ALK: variants seen among roughly 807,000 people sequenced by gnomAD.
ALK encodes the protein ALK receptor tyrosine kinase, also known as ALK tyrosine kinase receptor.
In ALK, 74 loss-of-function variants were observed where a neutral mutation model predicts 163.1. That is an observed-to-expected ratio of 0.45 (90% CI 0.38 to 0.55). ALK has a LOEUF of 0.55. ALK is among the 20% of genes least tolerant of loss of function. The pLI is 0.00. For synonymous variants in ALK, 960 were observed against 843.2 expected, an observed-to-expected ratio of 1.14 and a Z score of -2.40; for missense variants, 2,063 against 2,105.3, an observed-to-expected ratio of 0.98 and a Z score of 0.39.
intron 3 of ALK, among the ~76,000 whole-genome samples, chr2:29,614,078 G>A (rs1057463293): frequency 2.6e-5 from 4 of 152,184 alleles, no homozygotes; most frequent in East Asian, 1.9e-4. Context: ...GAGAAAGTGA[G>A]GAGGAGCTGG....
chr2:29,849,549 C>A (rs1437400914), intron 1 of ALK, among the ~76,000 whole-genome samples: 1 of 152,210 alleles, frequency 6.6e-6, no homozygotes, highest in Non-Finnish European at 1.5e-5. Flanking sequence ...GCCTACGTGG[C>A]ACCTCATAGA....
chr2:29,420,791 G>C (rs1445653286), intron 4 of ALK, among the ~76,000 whole-genome samples: 1 of 151,278 alleles, frequency 6.6e-6, no homozygotes, highest in Non-Finnish European at 1.5e-5. Context: ...GGAATGTCTT[G>C]CTTTGCAAAA....
intron 16 of ALK, among the ~76,000 whole-genome samples, chr2:29,228,111 G>C (rs1356339879): frequency 6.6e-6 from 1 of 152,198 alleles, no homozygotes; most frequent in Non-Finnish European, 1.5e-5. Flanking sequence ...TGTGCCCTGA[G>C]GCTCCCGTCC....
chr2:29,665,521 G>C (rs1257547293), intron 3 of ALK, among the ~76,000 whole-genome samples: 1 of 151,820 alleles, frequency 6.6e-6, no homozygotes, highest in Non-Finnish European at 1.5e-5. Flanking sequence ...CCATGGCCTG[G>C]AACATAGCAG....
chr2:29,413,327 A>AGT (rs1669777646), intron 4 of ALK, among the ~76,000 whole-genome samples: 2 of 152,222 alleles, frequency 1.3e-5, no homozygotes, highest in African/African-American at 4.8e-5. Flanking sequence ...ATAAAAGTAT[A>AGT]GTATAGTAAA....
chr2:29,234,786 A>G (rs1308106318), intron 13 of ALK, among the ~76,000 whole-genome samples: 1 of 152,138 alleles, frequency 6.6e-6, no homozygotes, highest in Non-Finnish European at 1.5e-5. Context: ...TGTTTTTGCC[A>G]TCTTACTCCG....
At chr2:29,588,475 C>T (rs1038826054) in intron 3 of ALK, among the ~76,000 whole-genome samples, 8 of 152,138 alleles carry the variant, frequency 5.3e-5, no homozygotes, top group Non-Finnish European at 8.8e-5. Context: ...AAGCGATCCA[C>T]CCTCCTTGGC....
chr2:29,264,914 ACT>A (rs1665178050), intron 11 of ALK, among the ~76,000 whole-genome samples: 1 of 151,942 alleles, frequency 6.6e-6, no homozygotes, highest in Admixed American at 6.6e-5. Flanking sequence ...GCTGGCGCAC[ACT>A]CTCACATACT....
intron 3 of ALK, among the ~76,000 whole-genome samples, chr2:29,596,143 TA>T (rs1383558765): frequency 6.6e-6 from 1 of 152,218 alleles, no homozygotes; most frequent in Non-Finnish European, 1.5e-5. Flanking sequence ...GTTTGTGACT[TA>T]CCTCTCACCT....
chr2:29,612,124 C>G (rs900789740), intron 3 of ALK, among the ~76,000 whole-genome samples: 1 of 152,112 alleles, frequency 6.6e-6, no homozygotes, highest in Admixed American at 6.5e-5. Context: ...ACCCAGGCTT[C>G]CTCCCTTCCC....
chr2:29,427,543 C>A (rs140337498), intron 4 of ALK, among the ~76,000 whole-genome samples: 4 of 151,538 alleles, frequency 2.6e-5, no homozygotes, highest in African/African-American at 9.7e-5. Context: ...AAGAAAAAAA[C>A]TCAATAGAAT....
At chr2:29,349,815 G>A (rs779604709) in intron 5 of ALK, among the ~76,000 whole-genome samples, 2 of 152,202 alleles carry the variant, frequency 1.3e-5, no homozygotes, top group Non-Finnish European at 2.9e-5. Flanking sequence ...AGCCTGCAAT[G>A]TACAGTGCGA....
intron 2 of ALK, among the ~76,000 whole-genome samples, chr2:29,702,333 C>A (rs1430827573): frequency 6.6e-6 from 1 of 152,100 alleles, no homozygotes; most frequent in African/African-American, 2.4e-5. Flanking sequence ...ACAAGTGAGG[C>A]AGGAAAGGAC....
chr2:29,308,185 T>C (rs1472797771), intron 8 of ALK, among the ~76,000 whole-genome samples: 1 of 152,140 alleles, frequency 6.6e-6, no homozygotes, highest in Non-Finnish European at 1.5e-5. Flanking sequence ...AGACTAATAT[T>C]GATATGGGAA....
intron 8 of ALK, among the ~76,000 whole-genome samples, chr2:29,297,762 A>T (rs1400448248): frequency 6.6e-6 from 1 of 152,232 alleles, no homozygotes; most frequent in Non-Finnish European, 1.5e-5. Context: ...TTTGAAAGAA[A>T]ATTGTAACTA....
intron 6 of ALK, among the ~76,000 whole-genome samples, chr2:29,322,214 G>A (rs910622376): frequency 1.8e-4 from 27 of 152,338 alleles, no homozygotes; most frequent in South Asian, 8.3e-4. Context: ...GACAAAGAGG[G>A]CCCTAACGCT....
intron 3 of ALK, among the ~76,000 whole-genome samples, chr2:29,534,457 T>C (rs1429096498): frequency 6.6e-6 from 1 of 152,102 alleles, no homozygotes; most frequent in African/African-American, 2.4e-5. Flanking sequence ...CTCCAGACTC[T>C]TTGGGGGTAT....
At chr2:29,618,063 A>G (rs748397434) in intron 3 of ALK, among the ~76,000 whole-genome samples, 2 of 152,096 alleles carry the variant, frequency 1.3e-5, no homozygotes, top group Non-Finnish European at 2.9e-5. Flanking sequence ...CTTAGGATCA[A>G]TGTGTTGAGC....
chr2:29,656,463 A>G (rs915928773), intron 3 of ALK, among the ~76,000 whole-genome samples: 3 of 152,226 alleles, frequency 2.0e-5, no homozygotes, highest in Non-Finnish European at 4.4e-5. Flanking sequence ...GCAGGGGAAC[A>G]TATTGAAAGC....
Sources: gnomAD v4.1 joint callset for allele counts (sites outside exome capture counted in the v4.1 genomes callset) on GRCh38, gnomAD v4.1.1 for gene constraint, MANE v1.5 for transcripts, NCBI Gene and HGNC (gene_info 2026-07-23, HGNC 2026-07-21) for gene names.